Variants in RANBP2 observed in about 807,000 individuals in gnomAD.
RANBP2 encodes E3 SUMO-protein ligase RanBP2.
RANBP2 carries 57 observed loss-of-function variants against 303.6 expected under a neutral mutation model. That is an observed-to-expected ratio of 0.19 (90% confidence interval 0.15 to 0.23). RANBP2 has a LOEUF of 0.23. RANBP2 is among the 10% of genes least tolerant of loss of function. The pLI is 1.00. For missense variants in RANBP2, 3,138 were observed against 3,780.8 expected, an observed-to-expected ratio of 0.83 and a Z score of 4.46; for synonymous variants, 1,167 against 1,301.5, an observed-to-expected ratio of 0.90 and a Z score of 2.23.
At chr2:108,983,004 T>C in the RANBP2 span, among the ~76,000 whole-genome samples, 3 of 152,216 alleles carry the variant, frequency 2.0e-5, no homozygotes, top group African/African-American at 7.2e-5. Context: ...ATGGTACTTA[T>C]TGGAGATTTT....
At chr2:109,444,887 G>A in the RANBP2 span, among the ~76,000 whole-genome samples, 2 of 152,142 alleles carry the variant, frequency 1.3e-5, no homozygotes, top group African/African-American at 4.8e-5. Flanking sequence ...TTTGAAATCA[G>A]TATGTTTAAG....
chr2:109,130,351 C>G, the RANBP2 span, among the ~76,000 whole-genome samples: 2 of 152,230 alleles, frequency 1.3e-5, no homozygotes, highest in African/African-American at 4.8e-5. Context: ...CTTCCTGTCC[C>G]GTCGCTCACC....
At chr2:109,471,727 C>T in the RANBP2 span, among the ~76,000 whole-genome samples, 1 of 152,202 alleles carries the variant, frequency 6.6e-6, no homozygotes, top group East Asian at 1.9e-4. Flanking sequence ...GCTGTCTCAG[C>T]CTCACATACC....
chr2:109,503,535 G>A, the RANBP2 span: 1 of 152,272 alleles, frequency 6.6e-6, no homozygotes, highest in African/African-American at 2.4e-5. Context: ...TAACTTCTGT[G>A]TGCCAGGTTA....
the RANBP2 span, among the ~76,000 whole-genome samples, chr2:109,050,251 T>C: frequency 6.6e-6 from 1 of 152,012 alleles, no homozygotes; most frequent in Non-Finnish European, 1.5e-5. Context: ...ATTTTACCTG[T>C]TTCTTTTTAC....
chr2:109,516,050 C>G, the RANBP2 span, among the ~76,000 whole-genome samples: 1 of 152,212 alleles, frequency 6.6e-6, no homozygotes, highest in Non-Finnish European at 1.5e-5. Flanking sequence ...ATGCTTAGCA[C>G]TCAGCTCCAA....
chr2:109,452,605 C>T, the RANBP2 span, among the ~76,000 whole-genome samples: 3 of 152,132 alleles, frequency 2.0e-5, no homozygotes, highest in East Asian at 1.9e-4. Flanking sequence ...CTCCTAGGAG[C>T]GTGGGAGATT....
chr2:109,510,030 T>G, the RANBP2 span, among the ~76,000 whole-genome samples: 1 of 152,146 alleles, frequency 6.6e-6, no homozygotes, highest in African/African-American at 2.4e-5. Flanking sequence ...CCGGGTCTTA[T>G]CTGGACCTCC....
the RANBP2 span, among the ~76,000 whole-genome samples, chr2:109,088,941 A>C: frequency 6.6e-6 from 1 of 152,250 alleles, no homozygotes; most frequent in East Asian, 1.9e-4. Flanking sequence ...CCCAAACAAA[A>C]GATGAAAAGC....
At chr2:108,983,029 A>T in the RANBP2 span, among the ~76,000 whole-genome samples, 5 of 152,204 alleles carry the variant, frequency 3.3e-5, no homozygotes, top group East Asian at 5.8e-4. Flanking sequence ...CCCATAAAGA[A>T]ATCCATCAAC....
chr2:109,576,302 T>C, the RANBP2 span, among the ~76,000 whole-genome samples: 2 of 151,988 alleles, frequency 1.3e-5, no homozygotes, highest in Admixed American at 6.5e-5. Flanking sequence ...TCTCGTTGTG[T>C]TGCCCGGGCT....
chr2:109,372,560 C>T, the RANBP2 span, among the ~76,000 whole-genome samples: 1 of 152,212 alleles, frequency 6.6e-6, no homozygotes, highest in African/African-American at 2.4e-5. Flanking sequence ...ATATGAAAAC[C>T]ATGAATGGCC....
the RANBP2 span, among the ~76,000 whole-genome samples, chr2:109,530,023 C>G: frequency 6.6e-6 from 1 of 152,206 alleles, no homozygotes; most frequent in Non-Finnish European, 1.5e-5. Flanking sequence ...ACTTTTAAGA[C>G]AGATGTTTCT....
At chr2:108,846,950 T>C in the RANBP2 span, 5 of 1,339,102 alleles carry the variant, frequency 3.7e-6, no homozygotes, top group South Asian at 1.2e-5. Flanking sequence ...CAATTGTACT[T>C]ATGGTTAATT....
At chr2:109,592,952 G>T in the RANBP2 span, 1 of 676,074 alleles carries the variant, frequency 1.5e-6, no homozygotes, top group Non-Finnish European at 2.3e-6. Context: ...ACAAACAGAA[G>T]TCTCTATCAC....
At chr2:108,911,046 T>C in the RANBP2 span, 10 of 1,614,060 alleles carry the variant, frequency 6.2e-6, no homozygotes, top group Non-Finnish European at 7.6e-6. Context: ...ATCAGGGCAG[T>C]GGCCAGGTGT....
intron 20 of RANBP2, among the ~76,000 whole-genome samples, chr2:108,770,856 TG>T (rs923541244): frequency 2.0e-5 from 3 of 152,182 alleles, no homozygotes; most frequent in African/African-American, 7.2e-5. Context: ...TAGCACGTCT[TG>T]ATTTGGACTA....
At chr2:109,138,967 CAT>C in the RANBP2 span, among the ~76,000 whole-genome samples, 2 of 152,112 alleles carry the variant, frequency 1.3e-5, no homozygotes, top group African/African-American at 2.4e-5. Context: ...TATCTCTTGA[CAT>C]GTGGTAATAA....
chr2:108,800,700 A>T, the RANBP2 span, among the ~76,000 whole-genome samples: 2 of 108,488 alleles, frequency 1.8e-5, no homozygotes, highest in Non-Finnish European at 3.5e-5. Context: ...ACATGTATAC[A>T]TGTGCCATGC....
Sources: allele counts gnomAD v4.1 joint callset (sites outside exome capture counted in the v4.1 genomes callset), GRCh38; gene constraint gnomAD v4.1.1; transcripts MANE v1.5; gene names NCBI Gene and HGNC (gene_info 2026-07-23, HGNC 2026-07-21).